The following FRMPD4 variants were observed in gnomAD, a reference collection of about 807,000 sequenced individuals.
FRMPD4 encodes FERM and PDZ domain-containing protein 4.
In FRMPD4, 22 loss-of-function variants were observed where a neutral mutation model predicts 94.1. That is an observed-to-expected ratio of 0.23 (90% CI 0.17 to 0.33). The LOEUF (loss-of-function observed/expected upper bound fraction) is 0.33. Among genes scored for constraint, FRMPD4 ranks in the 10% least tolerant of loss-of-function variants. The pLI is 1.00. For synonymous variants in FRMPD4, 631 were observed against 548.6 expected, an observed-to-expected ratio of 1.15 and a Z score of -2.10; for missense variants, 1,111 against 1,339.9, an observed-to-expected ratio of 0.83 and a Z score of 2.67.
chrX:12,361,477 G>A (rs913693091), intron 1 of FRMPD4, among the ~76,000 whole-genome samples: 1 of 112,083 alleles, frequency 8.9e-6, no homozygotes, highest in African/African-American at 3.2e-5. Context: ...AAGAGCAGGT[G>A]GATGAGCCAC....
intron 1 of FRMPD4, among the ~76,000 whole-genome samples, chrX:12,482,790 A>G (rs953465985): frequency 8.9e-6 from 1 of 111,849 alleles, no homozygotes; most frequent in Non-Finnish European, 1.9e-5. Context: ...GACTTTTTAT[A>G]TTTTTTTCTT....
At chrX:12,657,085 T>TA (rs149487975) in intron 4 of FRMPD4, among the ~76,000 whole-genome samples, 27,944 of 93,222 alleles carry the variant, frequency 0.3, 3,734 homozygotes, top group East Asian at 0.62. Context: ...AAACTCCTTC[T>TA]AAAAAAAAAA....
chrX:12,028,958 G>A (rs914743013), intron 3 of FRMPD4, among the ~76,000 whole-genome samples: 3 of 112,266 alleles, frequency 2.7e-5, no homozygotes, highest in African/African-American at 9.7e-5. Flanking sequence ...GCAAGTTTTT[G>A]TGTGGACATA....
intron 1 of FRMPD4, among the ~76,000 whole-genome samples, chrX:12,147,570 A>G (rs1023979436): frequency 8.9e-6 from 1 of 111,796 alleles, no homozygotes; most frequent in Non-Finnish European, 1.9e-5. Flanking sequence ...AGATGGTATT[A>G]TAATTGAGTC....
intron 1 of FRMPD4, among the ~76,000 whole-genome samples, chrX:12,342,003 TCTC>T (rs1417862569): frequency 8.9e-6 from 1 of 111,978 alleles, no homozygotes; most frequent in Non-Finnish European, 1.9e-5. Flanking sequence ...TTTTGGCAAA[TCTC>T]CTATATCTTT....
chrX:11,829,001 G>A (rs753227322), intron 1 of FRMPD4, among the ~76,000 whole-genome samples: 8 of 112,336 alleles, frequency 7.1e-5, no homozygotes, highest in African/African-American at 2.6e-4. Flanking sequence ...AGGCAGGAAA[G>A]AGCCAACGTC....
chrX:12,397,005 C>A (rs1389295169), intron 1 of FRMPD4, among the ~76,000 whole-genome samples: 1 of 111,371 alleles, frequency 9.0e-6, no homozygotes, highest in Non-Finnish European at 1.9e-5. Context: ...GGAGGCCGGC[C>A]CAATGCTGGC....
intron 1 of FRMPD4, among the ~76,000 whole-genome samples, chrX:12,277,637 G>A (rs1049807148): frequency 2.7e-5 from 3 of 111,680 alleles, no homozygotes; most frequent in African/African-American, 9.8e-5. Context: ...GAAGAAAAAG[G>A]GGTCACCAGA....
At chrX:11,992,223 A>C (rs1213768843) in intron 3 of FRMPD4, among the ~76,000 whole-genome samples, 2 of 111,783 alleles carry the variant, frequency 1.8e-5, no homozygotes, top group Non-Finnish European at 3.8e-5. Flanking sequence ...CATGAGCAAT[A>C]TGGGCGCATC....
chrX:12,422,694 A>G (rs1344285528), intron 1 of FRMPD4, among the ~76,000 whole-genome samples: 1 of 111,949 alleles, frequency 8.9e-6, no homozygotes, highest in Non-Finnish European at 1.9e-5. Context: ...CATATAGGAG[A>G]AACAAATGTG....
intron 1 of FRMPD4, among the ~76,000 whole-genome samples, chrX:12,427,845 C>T (rs1479281438): frequency 9.5e-6 from 1 of 105,291 alleles, no homozygotes; most frequent in East Asian, 3.0e-4. Context: ...TAGACAGTAT[C>T]GTTGACTTTT....
rs988208175 is a variant in FRMPD4, at chrX:12,511,118, G to A, written c.158+12322G>A. Among the ~76,000 whole-genome samples, 6 of 111,771 alleles carry A rather than the reference G, an allele frequency of 5.4e-5. No individual in the cohort carries two copies. The East Asian group carries it at 8.4e-4, about 16-fold the overall frequency. On this transcript the variant is annotated intron_variant, in intron 2 of 16. Transcript: ENST00000675598. ...TTGGAGAGGTCCTAGAATCTATCGC[G>A]GAGCTAATCCGTGAAGATTTTTCCC...
At chrX:12,071,732 G>A (rs1056165953) in intron 3 of FRMPD4, among the ~76,000 whole-genome samples, 6 of 111,372 alleles carry the variant, frequency 5.4e-5, no homozygotes, top group Non-Finnish European at 1.1e-4. Context: ...CAAGCCACCC[G>A]TGTCTGCTAC....
intron 1 of FRMPD4, among the ~76,000 whole-genome samples, chrX:12,290,350 G>A (rs1430296081): frequency 8.9e-6 from 1 of 112,304 alleles, no homozygotes; most frequent in Non-Finnish European, 1.9e-5. Flanking sequence ...AAAAAACCAT[G>A]TGCTCAATTC....
At chrX:12,656,887 G>C (rs759378197) in intron 4 of FRMPD4, among the ~76,000 whole-genome samples, 2 of 110,779 alleles carry the variant, frequency 1.8e-5, no homozygotes, top group Non-Finnish European at 3.8e-5. Context: ...CTGGGAGCGA[G>C]ACCAGCCTGA....
At chrX:12,093,044 T>C (rs753781128) in intron 3 of FRMPD4, among the ~76,000 whole-genome samples, 1 of 110,768 alleles carries the variant, frequency 9.0e-6, no homozygotes, top group Non-Finnish European at 1.9e-5. Context: ...GCATAGACCT[T>C]GAGGTTGGAA....
intron 4 of FRMPD4, among the ~76,000 whole-genome samples, chrX:12,656,679 G>A (rs780272984): frequency 3.7e-4 from 41 of 112,250 alleles, no homozygotes; most frequent in Admixed American, 6.6e-4. Flanking sequence ...ATTAAAAATC[G>A]GAACTGTGGT....
rs1032744261 is a variant in FRMPD4, at chrX:12,138,627, C to G, written c.-345C>G. ...CCAGGCCTCGCTTTCTCTGGACGCCCGGCAGTCCCCGGGGCTAGAGCGCAC... is the reference window on the plus strand; with the variant it reads ...CCAGGCCTCGCTTTCTCTGGACGCCGGGCAGTCCCCGGGGCTAGAGCGCAC... On this transcript the variant is annotated 5_prime_UTR_variant, in exon 1 of 17. Transcript: ENST00000675598. 4 of 288,308 alleles carry G rather than the reference C, an allele frequency of 1.4e-5. No individual in the cohort carries two copies. Among genetic ancestry groups the G allele is most frequent in the Admixed American group, 6.2e-5 (1 of 16,250 alleles). 23.8% of individuals were successfully genotyped at this position (288,308 alleles called of 1,213,427 possible). A position where few individuals can be genotyped will look rare whatever the true frequency, so the allele number is the denominator to read the frequency against.
At chrX:11,934,443 G>C (rs1168558694) in intron 3 of FRMPD4, among the ~76,000 whole-genome samples, 1 of 111,598 alleles carries the variant, frequency 9.0e-6, no homozygotes, top group African/African-American at 3.3e-5. Context: ...GTGGTTTCTA[G>C]GCTGTAGCCA....
Sources: gnomAD v4.1 joint callset for allele counts (sites outside exome capture counted in the v4.1 genomes callset) on GRCh38, gnomAD v4.1.1 for gene constraint, MANE v1.5 for transcripts, NCBI Gene and HGNC (gene_info 2026-07-23, HGNC 2026-07-21) for gene names.